CEP76: variants seen among roughly 807,000 people sequenced by gnomAD.
The protein encoded by CEP76 is centrosomal protein of 76 kDa.
A neutral mutation model predicts 83.3 loss-of-function variants in CEP76; 55 were observed. That is an observed-to-expected ratio of 0.66 (90% confidence interval 0.53 to 0.83). The LOEUF (loss-of-function observed/expected upper bound fraction) is 0.83, where lower values mean the gene tolerates loss of function less well. CEP76 is among the 40% of genes least tolerant of loss of function. The pLI, the probability that CEP76 is intolerant of heterozygous loss-of-function variation, is 0.00. For missense variants in CEP76, 694 were observed against 799.5 expected, an observed-to-expected ratio of 0.87 and a Z score of 1.59; for synonymous variants, 270 against 274.5, an observed-to-expected ratio of 0.98 and a Z score of 0.16.
At chr18:12,700,670 T>C (rs995946297) in intron 2 of CEP76, among the ~76,000 whole-genome samples, 3 of 152,166 alleles carry the variant, frequency 2.0e-5, no homozygotes, top group African/African-American at 7.2e-5. Flanking sequence ...GTGAACTAAT[T>C]GGACTAAAGT....
At chr18:12,684,349 A>C (rs898775972) in intron 8 of CEP76, 1 of 151,950 alleles carries the variant, frequency 6.6e-6, no homozygotes, top group African/African-American at 2.4e-5. Context: ...TTCTGGGCTC[A>C]AGTGATTTGC....
At chr18:12,687,118 A>G (rs1260240260) in intron 7 of CEP76, among the ~76,000 whole-genome samples, 5 of 152,122 alleles carry the variant, frequency 3.3e-5, no homozygotes, top group Admixed American at 1.3e-4. Context: ...AAAGTCCACA[A>G]TCTCTTTACC....
upstream of CEP76, chr18:12,702,776 G>A (rs565493052): frequency 2.2e-5 from 13 of 579,864 alleles, no homozygotes; most frequent in African/African-American, 1.2e-4. Context: ...CGGACAAACA[G>A]GGCTTGGGGC....
intron 5 of CEP76, among the ~76,000 whole-genome samples, chr18:12,695,852 C>CCACACACACACACACACA (rs375916938): frequency 2.0e-5 from 3 of 148,284 alleles, no homozygotes; most frequent in African/African-American, 7.4e-5. Context: ...CATTCCTTCT[C>CCACACACACACACACACA]CACACACACA....
chr18:12,678,310 T>TGCATC lies in CEP76; in HGVS notation c.1417_1421dup (p.Val475MetfsTer3), dbSNP rs2039218355. 2 of 1,614,186 alleles carry TGCATC rather than the reference T, an allele frequency of 1.2e-6. No homozygotes were observed. The highest frequency in any genetic ancestry group is 4.5e-5 in the East Asian group (2 of 44,878). ...TCAAATCAAATACACAGGTTTCTAC[T>TGCATC]GCATCAGAGGGTTGACAATTTCCCA... On this transcript the variant is annotated frameshift_variant, in exon 10 of 12. Transcript: ENST00000262127. LOFTEE classifies it high-confidence loss of function.
At position 12,678,332 on chromosome 18, in the gene CEP76, C is replaced by T; in HGVS notation, c.1400G>A (p.Gly467Glu). 6.2e-7 allele frequency: 1 copy of T among 1,614,096 alleles called. No individual in the cohort carries two copies. Among genetic ancestry groups the T allele is most frequent in the Non-Finnish European group, 8.5e-7 (1 of 1,180,014 alleles). The change falls in exon 10 of 12, where the codon GGA (glycine) becomes GAA (glutamate). Residue 467 changes from glycine (G) to glutamate (E), a missense_variant. Coordinates refer to ENST00000262127, the MANE Select transcript of CEP76 (RefSeq NM_024899.4). ...TACTGCATCAGAGGGTTGACAATTT[C>T]CCAGGAACATCTGATGGTTGAAAAC... is the stretch of plus-strand genomic sequence containing the variant. ...GCVFNHQMFLGNCQPSDAVET... is the reference protein window; with the variant it reads ...GCVFNHQMFLENCQPSDAVET...
downstream of CEP76, among the ~76,000 whole-genome samples, chr18:12,672,171 G>A (rs895503973): frequency 1.4e-5 from 2 of 147,726 alleles, no homozygotes; most frequent in African/African-American, 2.5e-5. Context: ...CTGGAGTGCA[G>A]TGGCGCGATC....
chr18:12,667,488 C>T (rs2038825728), intron 12 of CEP76, among the ~76,000 whole-genome samples: 2 of 151,674 alleles, frequency 1.3e-5, no homozygotes, highest in African/African-American at 4.8e-5. Context: ...TCGGCCAGGC[C>T]GGGTGGCTCA....
chr18:12,702,747 A>G (rs924800801), upstream of CEP76: 31 of 606,360 alleles, frequency 5.1e-5, 1 homozygote, highest in South Asian at 6.1e-4. Flanking sequence ...CGGCGGCGCC[A>G]ACTGTTTTCA....
At chr18:12,670,534 G>C (rs2038916647), downstream of CEP76, 3 of 152,120 alleles carry the variant, frequency 2.0e-5, no homozygotes, top group African/African-American at 4.8e-5. Context: ...TGTTAATACA[G>C]CCTTGATCTT....
chr18:12,699,992 C>T, intron 2 of CEP76, 87 bp from the exon 3 acceptor site: 1 of 799,676 alleles, frequency 1.3e-6, no homozygotes, highest in Non-Finnish European at 1.9e-6. Context: ...AAGCACTGAA[C>T]CTAAAGTCAA....
chr18:12,693,721 T>C (rs1210720249), intron 6 of CEP76, among the ~76,000 whole-genome samples: 2 of 151,970 alleles, frequency 1.3e-5, no homozygotes. Context: ...AGGCAGACGT[T>C]GCAGTGAGCC....
intron 6 of CEP76, 35 bp downstream of exon 6, chr18:12,695,219 A>C (rs1314738147): frequency 2.1e-6 from 2 of 959,968 alleles, no homozygotes; most frequent in Non-Finnish European, 3.1e-6. Context: ...TATGAAAACA[A>C]ACACACAAAA....
downstream of CEP76, chr18:12,670,455 A>C (rs149830348): frequency 1.3e-5 from 2 of 152,348 alleles, no homozygotes; most frequent in African/African-American, 4.8e-5. Context: ...TTTATTACAG[A>C]GTTTACACCA....
intron 11 of CEP76, among the ~76,000 whole-genome samples, chr18:12,673,951 G>A (rs971203560): frequency 6.6e-6 from 1 of 152,120 alleles, no homozygotes; most frequent in Non-Finnish European, 1.5e-5. Context: ...TTTTGGTCAA[G>A]CTATTCAAAT....
chr18:12,673,543 C>A, intron 11 of CEP76, 40 bp from the exon 12 acceptor site: 1 of 1,461,162 alleles, frequency 6.8e-7, no homozygotes, highest in Non-Finnish European at 9.3e-7. Flanking sequence ...AAGAAGTGAC[C>A]ATACACTTTA....
intron 3 of CEP76, 150 bp downstream of exon 3, chr18:12,699,680 T>C (rs368724704): frequency 1.9e-6 from 1 of 527,826 alleles, no homozygotes; most frequent in South Asian, 3.3e-5. Context: ...ATATACTTCA[T>C]GCAAAACAAT....
At position 12,679,449 on chromosome 18, in the gene CEP76, C is replaced by T. The variant is rs145020560; in HGVS notation, c.1290-1007G>A. On this transcript the variant is annotated intron_variant, in intron 9 of 11. Transcript: ENST00000262127. ...AGCAGGCACGAAGCACACTAGCAGG[C>T]ACTCTGGCTTTGTGGAGCGTCCGTT... Among the ~76,000 whole-genome samples, 132 of 152,280 alleles carry T rather than the reference C, an allele frequency of 8.7e-4. No individual in the cohort carries two copies. In the Middle Eastern group the frequency reaches 0.017, roughly 20 times the overall value.
At chr18:12,662,576 G>A (rs1159283118) in intron 12 of CEP76, among the ~76,000 whole-genome samples, 2 of 152,278 alleles carry the variant, frequency 1.3e-5, no homozygotes, top group East Asian at 3.9e-4. Context: ...ACAAGTTTGA[G>A]ACCAGCCTGG....
Sources: gnomAD v4.1 joint callset for allele counts (sites outside exome capture counted in the v4.1 genomes callset) on GRCh38, gnomAD v4.1.1 for gene constraint, MANE v1.5 for transcripts, NCBI Gene and HGNC (gene_info 2026-07-23, HGNC 2026-07-21) for gene names.